Variants in KRT39 observed in about 807,000 individuals in gnomAD.
KRT39 encodes the protein keratin, type I cytoskeletal 39.
In KRT39, 47 loss-of-function variants were observed where a neutral mutation model predicts 54.8. The observed-to-expected ratio is 0.86, with a 90% CI of 0.68 to 1.09. The LOEUF (loss-of-function observed/expected upper bound fraction) is 1.09. KRT39 is among the 50% of genes least tolerant of loss of function. KRT39 has a pLI of 0.00. For missense variants in KRT39, 580 were observed against 598.5 expected (o/e 0.97, Z 0.32); for synonymous variants, 207 against 227.9 (o/e 0.91, Z 0.83).
chr17:40,961,202 A>G (rs1168306318), intron 5 of KRT39, among the ~76,000 whole-genome samples: 1 of 152,004 alleles, frequency 6.6e-6, no homozygotes, highest in African/African-American at 2.4e-5. Context: ...AAAAGGAAGG[A>G]AGCAATGTTT....
intron 3 of KRT39, 103 bp downstream of exon 3, chr17:40,963,524 G>A (rs1012272325): frequency 3.0e-5 from 32 of 1,070,450 alleles, no homozygotes; most frequent in Non-Finnish European, 3.6e-5. Flanking sequence ...GTGTGAGAAC[G>A]AACTAATACA....
Position 40,966,743 on chromosome 17 carries a change from G to T in KRT39, c.114C>A (p.Gly38=). ...ISSNNGCHPG[G]LTVNNCQPAG... ...CTGGTTGACAGTTGTTGACTGTAAG[G>T]CCACCAGGATGGCAGCCGTTGTTAG... Residue 38 remains glycine, a synonymous_variant, in exon 1 of 7, where the codon GGC becomes GGA. Coordinates refer to ENST00000355612, the MANE Select transcript of KRT39 (RefSeq NM_213656.4). 6.2e-7 allele frequency: 1 copy of T among 1,614,186 alleles called. No individual in the cohort carries two copies. The highest frequency in any genetic ancestry group is 8.5e-7 in the Non-Finnish European group (1 of 1,180,006).
Position 40,958,830 on chromosome 17 carries a change from C to T in KRT39, c.1247G>A (p.Cys416Tyr), listed in dbSNP as rs145389888. The T allele has an allele frequency of 6.8e-6, 11 of 1,607,402 alleles. No individual in the cohort carries two copies. The African/African-American group carries it at 1.5e-4, about 22-fold the overall frequency. Residue 416 changes from cysteine (C) to tyrosine (Y), a missense_variant, in exon 7 of 7, where the codon TGT becomes TAT. Transcript: ENST00000355612. ...KRPCYPRATKCEPSPWTSCKS... is the reference protein window; with the variant it reads ...KRPCYPRATKYEPSPWTSCKS... ...ACAAGATGTCCAAGGGGAAGGCTCA[C>T]ATTTGGTGGCACGTGGGTAACAGGG...
chr17:40,964,302 A>T, intron 2 of KRT39, 144 bp downstream of exon 2: 1 of 706,968 alleles, frequency 1.4e-6, no homozygotes, highest in South Asian at 1.7e-5. Context: ...TTAATCATTC[A>T]TTGAATTTGA....
chr17:40,966,681 C>T lies in KRT39; in HGVS notation c.176G>A (p.Cys59Tyr), dbSNP rs1168092115. 5 of 1,614,060 alleles carry T rather than the reference C, an allele frequency of 3.1e-6. No homozygotes were observed. Among genetic ancestry groups the T allele is most frequent in the Non-Finnish European group, 4.2e-6 (5 of 1,180,040 alleles). The part of the protein sequence containing the change: ...HVLRIPWDQG[C>Y]QPTPRFCRKP... ...GCGACAAAAGCGAGGAGTGGGTTGG[C>T]AGCCCTGGTCCCAGGGAATTCTGAG... The change falls in exon 1 of 7, where the codon TGC becomes TAC. Residue 59 changes from cysteine to tyrosine, a missense_variant. Transcript: ENST00000355612.
intron 3 of KRT39, among the ~76,000 whole-genome samples, chr17:40,963,025 A>G (rs1911218740): frequency 6.6e-6 from 1 of 152,174 alleles, no homozygotes; most frequent in Non-Finnish European, 1.5e-5. Context: ...TCCTTCTTGT[A>G]GAAAAGCTGG....
Position 40,958,863 on chromosome 17 carries a change from AGG to A in KRT39, c.1218-6_1218-5del, listed in dbSNP as rs1366923626. On this transcript the variant is annotated splice_polypyrimidine_tract_variant and splice_region_variant and intron_variant, in intron 6 of 6. Coordinates refer to ENST00000355612, the MANE Select transcript of KRT39 (RefSeq NM_213656.4). ...GGCACGTGGGTAACAGGGACGCCTA[AGG>A]AAAAAAAACACAATTTTAGCTGTGA... The A allele has an allele frequency of 7.0e-6, 11 of 1,570,686 alleles. No individual in the cohort carries two copies. The Admixed American group carries it at 1.4e-4, about 19-fold the overall frequency.
chr17:40,960,489 C>G lies in KRT39; in HGVS notation c.1009G>C (p.Glu337Gln). The change falls in exon 6 of 7, where the codon GAG becomes CAG. Residue 337 changes from glutamate (E) to glutamine (Q), a missense_variant. Glu to Gln is a conservative substitution (Grantham distance 29). Coordinates refer to ENST00000355612, the MANE Select transcript of KRT39 (RefSeq NM_213656.4). ...QAQHRMRDSQ[E>Q]CILTETEARY... ...GCCTCTGTCTCCGTTAGGATGCACT[C>G]TTGGGAATCTCTCTACCATGGAGAA... is the stretch of plus-strand genomic sequence containing the variant. 6.2e-7 allele frequency: 1 copy of G among 1,613,512 alleles called. No homozygotes were observed. Among genetic ancestry groups the G allele is most frequent in the South Asian group, 1.1e-5 (1 of 91,072 alleles).
Position 40,960,352 on chromosome 17 carries a change from C to G in KRT39, c.1146G>C (p.Leu382=). 6.2e-7 allele frequency: 1 copy of G among 1,614,134 alleles called. No individual in the cohort carries two copies. The highest frequency in any genetic ancestry group is 1.1e-5 in the South Asian group (1 of 91,078). The change falls in exon 6 of 7, where the codon CTG becomes CTC. Residue 382 remains leucine, a synonymous_variant. Transcript: ENST00000355612. ...LERQNQEYEI[L]LDVKSRLECE... ...ATTCCAGCCGGGACTTGACGTCCAG[C>G]AGGATCTCGTATTCTTGGTTCTGTC...
At chr17:40,961,045 G>T (rs559259214) in intron 5 of KRT39, among the ~76,000 whole-genome samples, 1 of 151,942 alleles carries the variant, frequency 6.6e-6, no homozygotes, top group Non-Finnish European at 1.5e-5. Flanking sequence ...GCAGAGAATT[G>T]CTTGAACCCG....
At chr17:40,964,189 A>G in intron 2 of KRT39, 1 of 498,642 alleles carries the variant, frequency 2.0e-6, no homozygotes, top group Non-Finnish European at 3.5e-6. Flanking sequence ...GAGAGTAACA[A>G]TATATTAGTC....
At chr17:40,960,730 TGTAA>T (rs929466778) in intron 5 of KRT39, 36 of 576,400 alleles carry the variant, frequency 6.2e-5, no homozygotes, top group Admixed American at 1.6e-4. Context: ...TTTGCTTCTC[TGTAA>T]GTATTTGTTT....
intron 5 of KRT39, among the ~76,000 whole-genome samples, chr17:40,961,226 T>G (rs2143613972): frequency 6.6e-6 from 1 of 152,308 alleles, no homozygotes; most frequent in East Asian, 1.9e-4. Flanking sequence ...CATATACAAT[T>G]TATCCACCAG....
chr17:40,966,328 T>C, intron 1 of KRT39, 61 bp downstream of exon 1: 2 of 1,316,750 alleles, frequency 1.5e-6, no homozygotes, highest in East Asian at 2.3e-5. Flanking sequence ...GTTTAGCAAA[T>C]AACTGTTGCT....
Position 40,966,384 on chromosome 17 carries a change from C to G in KRT39, c.468+5G>C. ...CACGATTAAACAGGTTCTTAGGAAT[C>G]TTACCTTCTGCTGGAGCTCCTCAAT... On this transcript the variant is annotated splice_donor_5th_base_variant and intron_variant, in intron 1 of 6. Coordinates refer to ENST00000355612, the MANE Select transcript of KRT39 (RefSeq NM_213656.4). 6.3e-7 allele frequency: 1 copy of G among 1,590,546 alleles called. No homozygotes were observed. Among genetic ancestry groups the G allele is most frequent in the Non-Finnish European group, 8.6e-7 (1 of 1,159,662 alleles).
rs545939767 is a variant in KRT39 at position 40,960,977 on chromosome 17, A to G, written c.997-476T>C. 3.3e-5 allele frequency among the ~76,000 whole-genome samples: 5 copies of G among 152,204 alleles called. No homozygotes were observed. In the South Asian group the frequency reaches 1.0e-3, roughly 32 times the overall value. On this transcript the variant is annotated intron_variant, in intron 5 of 6. Transcript: ENST00000355612. ...AAACCCCGTCTCTACTAAAAATACA[A>G]AAAATTAGCTGGGTGTTCTGGTGGG... is the stretch of plus-strand genomic sequence containing the variant.
chr17:40,958,536 C>T lies in KRT39; in HGVS notation c.*65G>A. 6.5e-7 allele frequency: 1 copy of T among 1,528,872 alleles called. No individual in the cohort carries two copies. Among genetic ancestry groups the T allele is most frequent in the Non-Finnish European group, 8.8e-7 (1 of 1,138,884 alleles). 94.7% of individuals were successfully genotyped at this position (1,528,872 alleles called of 1,614,324 possible). The stretch of plus-strand genomic sequence containing the variant: ...GGGACTGGGGAGTTTTCTTAAACCT[C>T]TCTGGCAGGAGCATGTATTGGCCTC... On this transcript the variant is annotated 3_prime_UTR_variant, in exon 7 of 7. Transcript: ENST00000355612.
At position 40,962,401 on chromosome 17, in the gene KRT39, C is replaced by T. The variant is rs530492702; in HGVS notation, c.870+1G>A. 3.1e-6 allele frequency: 5 copies of T among 1,613,906 alleles called. No individual in the cohort carries two copies. Among genetic ancestry groups the T allele is most frequent in the African/African-American group, 1.3e-5 (1 of 74,930 alleles). The stretch of plus-strand genomic sequence containing the variant: ...GTTTTTGACTTTTCTATATCCCCCA[C>T]CTGCGTGTTGAACCACTGTTCCACA... On this transcript the variant is annotated splice_donor_variant, in intron 4 of 6. Transcript: ENST00000355612. LOFTEE classifies it high-confidence loss of function.
At position 40,962,297 on chromosome 17, in the gene KRT39, ACAGC is replaced by A; in HGVS notation, c.871-14_871-11del. 1 of 1,613,878 alleles carries A rather than the reference ACAGC, an allele frequency of 6.2e-7. No homozygotes were observed. The highest frequency in any genetic ancestry group is 8.5e-7 in the Non-Finnish European group (1 of 1,179,844). Reference sequence around the variant, plus strand: ...GATTCAGCTCCTCTATCTGAAACACACAGCCAGAGACTGAGAATATTATGGGAGG... The same window carrying A: ...GATTCAGCTCCTCTATCTGAAACACACAGAGACTGAGAATATTATGGGAGG... On this transcript the variant is annotated splice_polypyrimidine_tract_variant and intron_variant, in intron 4 of 6. Transcript: ENST00000355612.
Sources: allele counts gnomAD v4.1 joint callset (sites outside exome capture counted in the v4.1 genomes callset), GRCh38; gene constraint gnomAD v4.1.1; transcripts MANE v1.5; gene names NCBI Gene and HGNC (gene_info 2026-07-23, HGNC 2026-07-21).